DGKH: variants seen among roughly 807,000 people sequenced by gnomAD.
DGKH encodes DAG kinase eta.
Under a neutral mutation model 159.3 loss-of-function variants are expected in DGKH, and 90 were observed. The ratio of observed to expected loss-of-function variants is 0.57; its 90% CI spans 0.48 to 0.67. DGKH has a LOEUF of 0.67. DGKH is among the 30% of genes least tolerant of loss of function. The probability of loss-of-function intolerance (pLI) is 0.00; values close to 1 mark genes in which losing one functional copy is unlikely to be tolerated. For synonymous variants in DGKH, 536 were observed against 553.8 expected (o/e 0.97, Z 0.45); for missense variants, 1,181 against 1,506.1 (o/e 0.78, Z 3.57).
intron 21 of DGKH, among the ~76,000 whole-genome samples, chr13:42,206,458 A>G (rs779906735): frequency 2.0e-5 from 3 of 152,174 alleles, no homozygotes; most frequent in African/African-American, 4.8e-5. Context: ...GGAAGATTTT[A>G]CTTTTTAATT....
In DGKH at chr13:42,040,517, G is replaced by A. The variant is rs544494129; in HGVS notation, c.-13+391G>A. Among the ~76,000 whole-genome samples the A allele has an allele frequency of 5.4e-3, 818 of 151,750 alleles. 6 individuals carry two copies. The highest frequency in any genetic ancestry group is 0.018 in the African/African-American group (758 of 41,424). On this transcript the variant is annotated intron_variant, in intron 1 of 29. Transcript: ENST00000379274. ...AGGAGGGGCGGCGGGGGGGAGGGGC[G>A]GGTAGCGGGGAGGAAAAGGGGAGGG...
At chr13:42,250,063 C>T (rs1319856239) in intron 29 of DGKH, among the ~76,000 whole-genome samples, 7 of 151,566 alleles carry the variant, frequency 4.6e-5, no homozygotes, top group East Asian at 2.0e-4. Flanking sequence ...CTCCGCCTCT[C>T]GGGTTCAAGC....
chr13:42,151,517 ATATATATACACGTG>A (rs1955888138), intron 3 of DGKH, among the ~76,000 whole-genome samples: 1 of 111,438 alleles, frequency 9.0e-6, no homozygotes, highest in African/African-American at 3.1e-5. Context: ...ATACACATGT[ATATATATACACGTG>A]TATATATATA....
At chr13:42,068,987 A>T (rs1272803857) in intron 1 of DGKH, 1 of 1,479,236 alleles carries the variant, frequency 6.8e-7, no homozygotes, top group Non-Finnish European at 9.4e-7. Flanking sequence ...TGAGGGGAAG[A>T]TTTCATAGCA....
At position 42,082,928 on chromosome 13, in the gene DGKH, A is replaced by G. The variant is rs577782748; in HGVS notation, c.192+33963A>G. Reference sequence around the variant, plus strand: ...AAGTTCTTTTGAAATGAATTGAAGAATGTGAATAATAGTTCTAGTTCTTCG... The same window carrying G: ...AAGTTCTTTTGAAATGAATTGAAGAGTGTGAATAATAGTTCTAGTTCTTCG... On this transcript the variant is annotated intron_variant, in intron 1 of 29. Transcript: ENST00000337343. Among the ~76,000 whole-genome samples, 3 of 152,328 alleles carry G rather than the reference A, an allele frequency of 2.0e-5. No homozygotes were observed. In the East Asian group the frequency reaches 5.8e-4, roughly 29 times the overall value.
intron 13 of DGKH, among the ~76,000 whole-genome samples, chr13:42,183,159 T>C (rs1294123167): frequency 1.3e-5 from 2 of 152,092 alleles, no homozygotes; most frequent in African/African-American, 2.4e-5. Flanking sequence ...TGTGGTGGTA[T>C]GTGCCTGTAG....
At chr13:42,043,667 C>T (rs548277205), upstream of DGKH, 6 of 152,238 alleles carry the variant, frequency 3.9e-5, no homozygotes, top group African/African-American at 1.2e-4. Context: ...TAATGCTTTA[C>T]CATAAAAGTA....
At chr13:42,214,037 T>C (rs919246758) in intron 24 of DGKH, among the ~76,000 whole-genome samples, 8 of 152,214 alleles carry the variant, frequency 5.3e-5, no homozygotes, top group Non-Finnish European at 1.2e-4. Flanking sequence ...TAGTAAATCA[T>C]AGCTACATTT....
At chr13:42,044,856 G>A (rs1426271836), upstream of DGKH, among the ~76,000 whole-genome samples, 1 of 152,192 alleles carries the variant, frequency 6.6e-6, no homozygotes, top group African/African-American at 2.4e-5. Context: ...ATACTTTAGT[G>A]GTGGGCATGG....
At chr13:42,049,969 G>T (rs1881148526) in intron 1 of DGKH, among the ~76,000 whole-genome samples, 1 of 152,074 alleles carries the variant, frequency 6.6e-6, no homozygotes, top group African/African-American at 2.4e-5. Context: ...ATTGGCTTGG[G>T]GTACCGTTTT....
intron 2 of DGKH, 98 bp from the exon 3 acceptor site, chr13:42,129,454 C>T (rs1594065860): frequency 9.9e-7 from 1 of 1,014,652 alleles, no homozygotes; most frequent in Non-Finnish European, 1.4e-6. Flanking sequence ...CTTTTTTCCC[C>T]CATTTTCTAT....
rs375510934 is a variant in DGKH at position 42,048,917 on chromosome 13, C to T, written c.144C>T (p.Pro48=). 2.2e-5 allele frequency: 30 copies of T among 1,337,998 alleles called. No individual in the cohort carries two copies. The highest frequency in any genetic ancestry group is 3.1e-5 in the Admixed American group (1 of 32,174). 82.9% of individuals were successfully genotyped at this position (1,337,998 alleles called of 1,614,324 possible). Residue 48 remains proline, a synonymous_variant, in exon 1 of 30, where the codon CCC becomes CCT. Transcript: ENST00000337343. The surrounding 1 kb of genome is among the most constrained non-coding windows in gnomAD (Gnocchi z 6.7). ...SSDSEAEQEG[P]QKLIRKVSTS... is the part of the protein sequence containing the mutation. ...ACAGCGAAGCGGAGCAAGAGGGACC[C>T]CAGAAACTGATCCGCAAAGTGTCTA...
intron 1 of DGKH, among the ~76,000 whole-genome samples, chr13:42,086,857 G>T (rs1357998885): frequency 3.3e-5 from 5 of 152,270 alleles, no homozygotes; most frequent in Admixed American, 3.3e-4. Context: ...CTATGGTCTT[G>T]TTGAGTTGAA....
chr13:42,074,686 CCAT>C (rs1883191566), intron 1 of DGKH, among the ~76,000 whole-genome samples: 1 of 144,860 alleles, frequency 6.9e-6, no homozygotes, highest in African/African-American at 2.6e-5. Context: ...ATCCATCCAT[CCAT>C]GCATCCACTC....
At chr13:42,200,583 T>C (rs1957325021) in intron 20 of DGKH, among the ~76,000 whole-genome samples, 1 of 152,220 alleles carries the variant, frequency 6.6e-6, no homozygotes, top group African/African-American at 2.4e-5. Flanking sequence ...TTTTTGTAAC[T>C]ATATATTTTT....
At chr13:42,155,223 ATGTTAGGTTT>A in intron 3 of DGKH, 58 bp from the exon 4 acceptor site, 1 of 1,169,348 alleles carries the variant, frequency 8.6e-7, no homozygotes, top group East Asian at 2.5e-5. Context: ...ACCTCAGAAG[ATGTTAGGTTT>A]TGCAACAATC....
intron 16 of DGKH, 139 bp downstream of exon 16, chr13:42,190,664 T>A (rs1456802865): frequency 2.6e-6 from 2 of 759,552 alleles, no homozygotes. Context: ...AAAGCTTAGA[T>A]AAATATTCAT....
At chr13:42,069,456 A>C in intron 1 of DGKH, 2 of 1,552,964 alleles carry the variant, frequency 1.3e-6, no homozygotes, top group Non-Finnish European at 1.8e-6. Context: ...ATTTATCAAC[A>C]ACATCAGTAG....
intron 1 of DGKH, among the ~76,000 whole-genome samples, chr13:42,067,118 C>T (rs777345245): frequency 2.0e-5 from 3 of 152,050 alleles, no homozygotes; most frequent in Non-Finnish European, 4.4e-5. Flanking sequence ...TTGCAGGAAC[C>T]TAAACCTAGT....
Sources: allele counts gnomAD v4.1 joint callset (sites outside exome capture counted in the v4.1 genomes callset), GRCh38; gene constraint gnomAD v4.1.1; non-coding constraint Gnocchi (gnomAD v3.1); transcripts MANE v1.5; gene names NCBI Gene and HGNC (gene_info 2026-07-23, HGNC 2026-07-21).